The following SEC31B variants were observed in gnomAD, a reference collection of about 807,000 sequenced individuals.
The protein encoded by SEC31B is protein transport protein Sec31B.
In SEC31B, 113 loss-of-function variants were observed where a neutral mutation model predicts 135.0. That is an observed-to-expected ratio of 0.84 (90% CI 0.72 to 0.98). SEC31B has a LOEUF of 0.98. Among genes scored for constraint, SEC31B ranks in the 50% least tolerant of loss-of-function variants. SEC31B has a pLI of 0.00. For synonymous variants in SEC31B, 508 were observed against 549.4 expected (o/e 0.92, Z 1.05); for missense variants, 1,296 against 1,421.1 (o/e 0.91, Z 1.42).
intron 25 of SEC31B, 42 bp from the exon 26 acceptor site, chr10:100,487,837 C>T: frequency 6.2e-7 from 1 of 1,607,746 alleles, no homozygotes; most frequent in Non-Finnish European, 8.5e-7. Flanking sequence ...CCCAACCCAG[C>T]TCCTACCCTG....
intron 23 of SEC31B, 129 bp from the exon 24 acceptor site, chr10:100,489,103 G>T: frequency 6.9e-7 from 1 of 1,457,868 alleles, no homozygotes; most frequent in Non-Finnish European, 9.1e-7. Context: ...GAGATGAGCA[G>T]CCTCCCTTTC....
At chr10:100,501,291 C>G (rs1484745566) in intron 11 of SEC31B, among the ~76,000 whole-genome samples, 1 of 151,996 alleles carries the variant, frequency 6.6e-6, no homozygotes, top group Non-Finnish European at 1.5e-5. Context: ...TCCTATAGGT[C>G]CCTCTGTCCT....
intron 10 of SEC31B, 46 bp downstream of exon 10, chr10:100,505,315 C>G: frequency 6.2e-7 from 1 of 1,600,358 alleles, no homozygotes; most frequent in Non-Finnish European, 8.5e-7. Flanking sequence ...CACACACACA[C>G]ACACACACAC....
chr10:100,503,696 A>G (rs970201511), intron 10 of SEC31B, among the ~76,000 whole-genome samples: 1 of 151,726 alleles, frequency 6.6e-6, no homozygotes, highest in South Asian at 2.1e-4. Context: ...CGGCCTCCCA[A>G]AGTGCTGGGA....
chr10:100,501,823 T>C lies in SEC31B; in HGVS notation c.1410+431A>G, dbSNP rs918209943. The C allele has an allele frequency of 5.0e-5, 9 of 180,292 alleles. No homozygotes were observed. The East Asian group carries it at 7.5e-4, about 15-fold the overall frequency. The allele number at this position is 180,292 out of a possible 1,614,324, so 11.2% of individuals were successfully genotyped here. A position where few individuals can be genotyped will look rare whatever the true frequency, so the allele number is the denominator to read the frequency against. ...ACTCCAAGGACTTGCCTTGGGTTAC[T>C]TGAAACCAACTCAAAGCCTTCTTAT... On this transcript the variant is annotated intron_variant, in intron 11 of 25. Coordinates refer to ENST00000370345, the MANE Select transcript of SEC31B (RefSeq NM_015490.4).
intron 3 of SEC31B, among the ~76,000 whole-genome samples, chr10:100,515,252 A>G (rs1851808608): frequency 6.6e-6 from 1 of 152,200 alleles, no homozygotes; most frequent in South Asian, 2.1e-4. Flanking sequence ...TGATCGTGCC[A>G]CTGCAATCCA....
rs1440078073 is a variant in SEC31B, at chr10:100,497,225, G to A, written c.2046C>T (p.Ala682=). The change falls in exon 17 of 26, where the codon GCC becomes GCT. Residue 682 remains alanine (A), a synonymous_variant. Transcript: ENST00000370345. ...QEGSRALTSE[A]RLCYVCSGSV... Reference sequence around the variant, plus strand: ...TCCCTGAGCACACATAACAGAGTCTGGCTTCGGAGGTTAGTGCCCTGCTGC... The same window carrying A: ...TCCCTGAGCACACATAACAGAGTCTAGCTTCGGAGGTTAGTGCCCTGCTGC... 5 of 1,614,094 alleles carry A rather than the reference G, an allele frequency of 3.1e-6. No homozygotes were observed. The South Asian group carries it at 5.5e-5, about 18-fold the overall frequency.
In SEC31B at chr10:100,488,292, C is replaced by T. The variant is rs1373925393; in HGVS notation, c.3289-194G>A. ...GGCTGACACGGTGAAACCCCGTCTC[C>T]ATTAAAAATACAAAAAATTAGCCGG... On this transcript the variant is annotated intron_variant, in intron 24 of 25. Coordinates refer to ENST00000370345, the MANE Select transcript of SEC31B (RefSeq NM_015490.4). Among the ~76,000 whole-genome samples, 3 of 151,920 alleles carry T rather than the reference C, an allele frequency of 2.0e-5. No homozygotes were observed. In the East Asian group the frequency reaches 5.8e-4, roughly 30 times the overall value.
chr10:100,505,563 C>T, intron 9 of SEC31B, 68 bp from the exon 10 acceptor site: 1 of 1,500,890 alleles, frequency 6.7e-7, no homozygotes, highest in South Asian at 1.4e-5. Context: ...CACCTACAAA[C>T]TCCATTTTGG....
At chr10:100,492,967 C>T (rs541487755) in intron 19 of SEC31B, among the ~76,000 whole-genome samples, 1 of 152,298 alleles carries the variant, frequency 6.6e-6, no homozygotes, top group East Asian at 1.9e-4. Flanking sequence ...AAAGACTGAA[C>T]CTAGTAAAGA....
intron 2 of SEC31B, 111 bp downstream of exon 2, chr10:100,516,763 T>A: frequency 1.3e-6 from 1 of 774,612 alleles, no homozygotes; most frequent in Non-Finnish European, 2.1e-6. Flanking sequence ...AGCCACCCTA[T>A]CTTTCTATGA....
rs1056540838 is a variant in SEC31B, at chr10:100,499,497, A to G, written c.1485+27T>C. ...TTCTCTTCTTCTCTTCAACAAGTAC[A>G]TGTTTCTGATGTGAAAAGCAGCTTA... is the stretch of plus-strand genomic sequence containing the variant. On this transcript the variant is annotated intron_variant, in intron 12 of 25. Coordinates refer to ENST00000370345, the MANE Select transcript of SEC31B (RefSeq NM_015490.4). 8.4e-6 allele frequency: 13 copies of G among 1,550,032 alleles called. No individual in the cohort carries two copies. The Admixed American group carries it at 1.8e-4, about 21-fold the overall frequency.
intron 3 of SEC31B, among the ~76,000 whole-genome samples, chr10:100,513,437 T>C (rs999337779): frequency 9.2e-5 from 14 of 152,170 alleles, no homozygotes; most frequent in African/African-American, 3.1e-4. Flanking sequence ...GTGCTGGATT[T>C]GAATGCTGTT....
chr10:100,498,635 TC>T, intron 14 of SEC31B, 69 bp downstream of exon 14: 1 of 1,145,792 alleles, frequency 8.7e-7, no homozygotes, highest in South Asian at 1.3e-5. Context: ...AGGGAATGTC[TC>T]AAGTCCAAAA....
chr10:100,507,339 G>A, intron 7 of SEC31B, 86 bp downstream of exon 7: 1 of 1,535,198 alleles, frequency 6.5e-7, no homozygotes, highest in Non-Finnish European at 9.0e-7. Context: ...ATGTTTAGTA[G>A]CTAAAGTGAG....
rs1390189210 is a variant in SEC31B, at chr10:100,499,175, C to A, written c.1569G>T (p.Gln523His). Residue 523 changes from glutamine to histidine, a missense_variant, in exon 13 of 26, where the codon CAG becomes CAT. Transcript: ENST00000370345. ...CCTACCACACCTGGCTGCAGAAGGC[C>A]TGTTGTCTGTCACTGTTGAGGTCAT... ...KGNDLNSDRQQAFCSQASKHT... is the reference protein window; with the variant it reads ...KGNDLNSDRQHAFCSQASKHT... 1 of 1,613,860 alleles carries A rather than the reference C, an allele frequency of 6.2e-7. No individual in the cohort carries two copies. Among genetic ancestry groups the A allele is most frequent in the Non-Finnish European group, 8.5e-7 (1 of 1,179,940 alleles).
At chr10:100,499,342 C>T in intron 12 of SEC31B, 84 bp from the exon 13 acceptor site, 2 of 1,177,130 alleles carry the variant, frequency 1.7e-6, no homozygotes, top group Non-Finnish European at 1.2e-6. Flanking sequence ...CCATACCCCA[C>T]CAACTGTACT....
chr10:100,487,916 T>A (rs1851213521), intron 25 of SEC31B, 111 bp downstream of exon 25: 1 of 1,510,954 alleles, frequency 6.6e-7, no homozygotes, highest in East Asian at 2.3e-5. Context: ...ACGTATTTTG[T>A]GGGGAACCCA....
intron 14 of SEC31B, 186 bp from the exon 15 acceptor site, chr10:100,498,393 C>G (rs1363922307): frequency 6.2e-6 from 4 of 649,218 alleles, no homozygotes; most frequent in Non-Finnish European, 1.0e-5. Flanking sequence ...AGACAGGGCC[C>G]AAGACAAGGG....
Sources: gnomAD v4.1 joint callset for allele counts (sites outside exome capture counted in the v4.1 genomes callset) on GRCh38, gnomAD v4.1.1 for gene constraint, MANE v1.5 for transcripts, NCBI Gene and HGNC (gene_info 2026-07-23, HGNC 2026-07-21) for gene names.